Variants in MCMDC2 observed in about 807,000 individuals in gnomAD.
MCMDC2 encodes minichromosome maintenance domain containing 2.
Under a neutral mutation model 75.8 loss-of-function variants are expected in MCMDC2, and 54 were observed. The observed-to-expected ratio is 0.71, with a 90% CI of 0.57 to 0.89. The LOEUF (loss-of-function observed/expected upper bound fraction) is 0.89. Among genes scored for constraint, MCMDC2 ranks in the 40% least tolerant of loss-of-function variants. MCMDC2 has a pLI of 0.00. For missense variants in MCMDC2, 656 were observed against 780.4 expected, an observed-to-expected ratio of 0.84 and a Z score of 1.90; for synonymous variants, 249 against 274.6, an observed-to-expected ratio of 0.91 and a Z score of 0.92.
chr8:66,900,508 C>G (rs752561464), intron 12 of MCMDC2, among the ~76,000 whole-genome samples: 3 of 151,262 alleles, frequency 2.0e-5, no homozygotes, highest in Non-Finnish European at 4.4e-5. Flanking sequence ...TAGGTAGTGT[C>G]AGAAAAAAAA....
rs1380753558 is a variant in MCMDC2, at chr8:66,920,573, G to A, written c.*1404G>A. 5 of 152,290 alleles carry A rather than the reference G, an allele frequency of 3.3e-5. No individual in the cohort carries two copies. The highest frequency in any genetic ancestry group is 2.1e-4 in the South Asian group (1 of 4,826). 9.4% of individuals were successfully genotyped at this position (152,290 alleles called of 1,614,324 possible). A position where few individuals can be genotyped will look rare whatever the true frequency, so the allele number is the denominator to read the frequency against. ...TATTACAGTTCTATAATGTTAAGACGTTTATTTTGTGCTTCTCAAATACTA... is the reference window on the plus strand; with the variant it reads ...TATTACAGTTCTATAATGTTAAGACATTTATTTTGTGCTTCTCAAATACTA... On this transcript the variant is annotated 3_prime_UTR_variant, in exon 15 of 15. Coordinates refer to ENST00000422365, the MANE Select transcript of MCMDC2 (RefSeq NM_173518.5).
chr8:66,902,554 C>T (rs1306689516), intron 13 of MCMDC2, among the ~76,000 whole-genome samples: 21 of 150,918 alleles, frequency 1.4e-4, no homozygotes, highest in Non-Finnish European at 2.4e-4. Flanking sequence ...ATTAGCTTGG[C>T]GTTGTGGCAC....
chr8:66,910,636 T>A (rs1026249389), intron 14 of MCMDC2, among the ~76,000 whole-genome samples: 11 of 151,974 alleles, frequency 7.2e-5, no homozygotes, highest in Non-Finnish European at 1.5e-4. Flanking sequence ...ATGGTGAAAC[T>A]CTGTCTCTAC....
At chr8:66,885,192 G>A (rs1186789524) in intron 9 of MCMDC2, among the ~76,000 whole-genome samples, 1 of 152,010 alleles carries the variant, frequency 6.6e-6, no homozygotes, top group East Asian at 2.0e-4. Context: ...AATTAGCCAG[G>A]TGTGGTGGCA....
intron 12 of MCMDC2, among the ~76,000 whole-genome samples, chr8:66,897,908 G>A (rs998465345): frequency 2.6e-5 from 4 of 152,130 alleles, no homozygotes; most frequent in South Asian, 2.1e-4. Flanking sequence ...ATAAAAGGCA[G>A]GGAATATCAG....
chr8:66,919,007 C>T lies in MCMDC2; in HGVS notation c.1884C>T (p.Ala628=). Residue 628 remains alanine, a synonymous_variant, in exon 15 of 15, where the codon GCC becomes GCT. Coordinates refer to ENST00000422365, the MANE Select transcript of MCMDC2 (RefSeq NM_173518.5). ...FETSLTLKYG[A]TVFCVAPNAV... The stretch of plus-strand genomic sequence containing the variant: ...TCTATTATCTTCTTCATTTAGGGGC[C>T]ACTGTATTTTGTGTTGCTCCGAATG... 1 of 1,509,466 alleles carries T rather than the reference C, an allele frequency of 6.6e-7. No individual in the cohort carries two copies. The highest frequency in any genetic ancestry group is 2.6e-5 in the East Asian group (1 of 38,984). The allele number at this position is 1,509,466 out of a possible 1,614,324, so 93.5% of individuals were successfully genotyped here. A position where few individuals can be genotyped will look rare whatever the true frequency, so the allele number is the denominator to read the frequency against.
Position 66,883,824 on chromosome 8 carries a change from T to C in MCMDC2, c.903T>C (p.Phe301=), listed in dbSNP as rs1311586231. The change falls in exon 9 of 15, where the codon TTT becomes TTC. Residue 301 remains phenylalanine (F), a synonymous_variant. Transcript: ENST00000422365. ...LSLTSSSCWK[F]TAILANIFAS... ...TAACTTCCAGCTCATGCTGGAAGTTTACAGCAATACTTGCCAATATCTTTG... is the reference window on the plus strand; with the variant it reads ...TAACTTCCAGCTCATGCTGGAAGTTCACAGCAATACTTGCCAATATCTTTG... 5 of 1,613,864 alleles carry C rather than the reference T, an allele frequency of 3.1e-6. No homozygotes were observed. Among genetic ancestry groups the C allele is most frequent in the Non-Finnish European group, 4.2e-6 (5 of 1,180,004 alleles).
intron 14 of MCMDC2, among the ~76,000 whole-genome samples, chr8:66,911,375 A>G (rs1472505224): frequency 1.3e-5 from 2 of 152,128 alleles, no homozygotes; most frequent in Non-Finnish European, 2.9e-5. Flanking sequence ...ACCTTCCACT[A>G]TGACTGTAAG....
intron 14 of MCMDC2, among the ~76,000 whole-genome samples, chr8:66,911,381 G>A (rs1813115653): frequency 6.6e-6 from 1 of 152,148 alleles, no homozygotes; most frequent in Admixed American, 6.5e-5. Flanking sequence ...CACTATGACT[G>A]TAAGTGTCCT....
At chr8:66,871,891 A>G (rs1265099521) in intron 1 of MCMDC2, among the ~76,000 whole-genome samples, 1 of 145,436 alleles carries the variant, frequency 6.9e-6, no homozygotes, top group African/African-American at 2.8e-5. Flanking sequence ...ACATAGTGAG[A>G]CCCTGTCTCA....
chr8:66,875,155 G>T (rs1337788880), intron 4 of MCMDC2, among the ~76,000 whole-genome samples: 1 of 152,068 alleles, frequency 6.6e-6, no homozygotes, highest in Non-Finnish European at 1.5e-5. Flanking sequence ...CAGATTCAAT[G>T]TTATAATATT....
At chr8:66,876,068 G>T (rs1420104708) in intron 4 of MCMDC2, among the ~76,000 whole-genome samples, 1 of 152,214 alleles carries the variant, frequency 6.6e-6, no homozygotes, top group East Asian at 1.9e-4. Context: ...CAATTGATTA[G>T]TGGGTTCCTG....
intron 13 of MCMDC2, among the ~76,000 whole-genome samples, chr8:66,902,714 ATATATAT>A (rs1812747588): frequency 8.8e-5 from 9 of 102,094 alleles, no homozygotes; most frequent in South Asian, 3.7e-4. Flanking sequence ...AAAAAAAAAT[ATATATAT>A]ATATATATAT....
chr8:66,915,487 T>A (rs992827587), intron 14 of MCMDC2, among the ~76,000 whole-genome samples: 5 of 142,858 alleles, frequency 3.5e-5, no homozygotes, highest in Non-Finnish European at 6.0e-5. Context: ...ATATATATAT[T>A]TATATATTTA....
chr8:66,899,312 C>A (rs1426579322), intron 12 of MCMDC2, among the ~76,000 whole-genome samples: 1 of 152,158 alleles, frequency 6.6e-6, no homozygotes, highest in African/African-American at 2.4e-5. Flanking sequence ...GGCAACAAGT[C>A]CTTTCCTGAA....
intron 9 of MCMDC2, among the ~76,000 whole-genome samples, chr8:66,890,089 CAG>C (rs1229907950): frequency 7.2e-5 from 11 of 152,186 alleles, no homozygotes; most frequent in African/African-American, 2.4e-4. Context: ...GTTTTTGAGA[CAG>C]AGTCTTGCTC....
intron 14 of MCMDC2, among the ~76,000 whole-genome samples, chr8:66,905,838 C>G (rs938363860): frequency 1.3e-5 from 2 of 151,976 alleles, no homozygotes; most frequent in African/African-American, 4.8e-5. Context: ...AAACCCGTCT[C>G]TACTAAAAGT....
At chr8:66,910,809 CAA>C (rs765402558) in intron 14 of MCMDC2, among the ~76,000 whole-genome samples, 5 of 135,356 alleles carry the variant, frequency 3.7e-5, no homozygotes, top group Admixed American at 7.4e-5. Context: ...AACTCCATCT[CAA>C]AAAAAAAAAA....
chr8:66,886,499 G>A (rs1018229849), intron 9 of MCMDC2, among the ~76,000 whole-genome samples: 14 of 152,108 alleles, frequency 9.2e-5, no homozygotes, highest in South Asian at 2.1e-4. Flanking sequence ...TTAGCTGAGC[G>A]CAGTGGCTCA....
Sources: gnomAD v4.1 joint callset for allele counts (sites outside exome capture counted in the v4.1 genomes callset) on GRCh38, gnomAD v4.1.1 for gene constraint, MANE v1.5 for transcripts, NCBI Gene and HGNC (gene_info 2026-07-23, HGNC 2026-07-21) for gene names.